Variants in ANXA7 observed in about 807,000 individuals in gnomAD.
ANXA7 encodes the protein annexin VII.
ANXA7 carries 55 observed loss-of-function variants against 64.9 expected under a neutral mutation model. The observed-to-expected ratio is 0.85, with a 90% CI of 0.68 to 1.06. ANXA7 has a LOEUF of 1.06. Among genes scored for constraint, ANXA7 ranks in the 50% least tolerant of loss-of-function variants. The pLI is 0.00. For synonymous variants in ANXA7, 200 were observed against 192.4 expected (o/e 1.04, Z -0.33); for missense variants, 548 against 582.1 (o/e 0.94, Z 0.60).
At position 73,390,699 on chromosome 10, in the gene ANXA7, TATATATATATATATATATATAAAA is replaced by T. The variant is rs1263872028; in HGVS notation, c.436-2309_436-2286del. Among the ~76,000 whole-genome samples, 98 of 132,560 alleles carry T rather than the reference TATATATATATATATATATATAAAA, an allele frequency of 7.4e-4. 1 individual carries two copies. Among genetic ancestry groups the T allele is most frequent in the African/African-American group, 3.0e-3 (93 of 30,800 alleles). 87.0% of individuals were successfully genotyped at this position (132,560 alleles called of 152,430 possible). The stretch of plus-strand genomic sequence containing the variant: ...CTGTGATTCTCTTTTGTAAAATATA[TATATATATATATATATATATAAAA>T]ATATATATATACACACACACACATA... On this transcript the variant is annotated intron_variant, in intron 5 of 12. Transcript: ENST00000372921.
chr10:73,380,572 C>A (rs1212147853), intron 9 of ANXA7, among the ~76,000 whole-genome samples: 3 of 152,008 alleles, frequency 2.0e-5, no homozygotes, highest in Non-Finnish European at 4.4e-5. Context: ...CTGGGCCTGG[C>A]CTAAAGAGAT....
chr10:73,380,863 T>C (rs1476402110), intron 9 of ANXA7, among the ~76,000 whole-genome samples: 1 of 152,200 alleles, frequency 6.6e-6, no homozygotes, highest in Non-Finnish European at 1.5e-5. Context: ...AGTTCTACTT[T>C]TTATTCATTC....
At position 73,391,597 on chromosome 10, in the gene ANXA7, G is replaced by A. The variant is rs115205479; in HGVS notation, c.436-3183C>T. 1.5e-3 allele frequency among the ~76,000 whole-genome samples: 226 copies of A among 152,264 alleles called. 1 individual carries two copies. The highest frequency in any genetic ancestry group is 5.3e-3 in the African/African-American group (219 of 41,546). ...ACTGTACTCCAGCCTGACCCGAGCAGCAGAGTGAGGCCCTGACTCAAAATT... is the reference window on the plus strand; with the variant it reads ...ACTGTACTCCAGCCTGACCCGAGCAACAGAGTGAGGCCCTGACTCAAAATT... On this transcript the variant is annotated intron_variant, in intron 5 of 12. Coordinates refer to ENST00000372921, the MANE Select transcript of ANXA7 (RefSeq NM_001156.5).
At chr10:73,412,402 A>C (rs1293644792) in intron 1 of ANXA7, among the ~76,000 whole-genome samples, 1 of 152,122 alleles carries the variant, frequency 6.6e-6, no homozygotes, top group Admixed American at 6.5e-5. Flanking sequence ...CAAGAGGCAG[A>C]TTTTAAACGT....
rs762559871 is a variant in ANXA7 at position 73,398,172 on chromosome 10, G to C, written c.259+9C>G. ...CCAATCATTACTAATTCCGCAACCCGTAACTCACCTCCGGGATAGGATGGA... is the reference window on the plus strand; with the variant it reads ...CCAATCATTACTAATTCCGCAACCCCTAACTCACCTCCGGGATAGGATGGA... On this transcript the variant is annotated intron_variant, in intron 3 of 12. Transcript: ENST00000372921. 1 of 1,605,680 alleles carries C rather than the reference G, an allele frequency of 6.2e-7. No individual in the cohort carries two copies. Among genetic ancestry groups the C allele is most frequent in the Admixed American group, 1.7e-5 (1 of 59,534 alleles).
At chr10:73,396,033 A>C (rs182423992) in intron 5 of ANXA7, 1 of 1,543,950 alleles carries the variant, frequency 6.5e-7, no homozygotes, top group African/African-American at 1.4e-5. Context: ...ACATTAGAAA[A>C]CCTTACTCAC....
chr10:73,403,649 G>A (rs1376932554), intron 1 of ANXA7, among the ~76,000 whole-genome samples: 2 of 152,100 alleles, frequency 1.3e-5, no homozygotes, highest in Non-Finnish European at 2.9e-5. Flanking sequence ...TGTATATTTT[G>A]CCAATACTAT....
chr10:73,390,721 A>T (rs11000636), intron 5 of ANXA7, among the ~76,000 whole-genome samples: 8,407 of 107,086 alleles, frequency 0.079, 407 homozygotes, highest in African/African-American at 0.19. Flanking sequence ...TATATATATA[A>T]AAATATATAT....
At chr10:73,379,520 G>T (rs2132651126) in intron 11 of ANXA7, among the ~76,000 whole-genome samples, 1 of 152,278 alleles carries the variant, frequency 6.6e-6, no homozygotes, top group Non-Finnish European at 1.5e-5. Context: ...CTGCTTCGTG[G>T]TGACACTGTG....
intron 4 of ANXA7, 130 bp downstream of exon 4, chr10:73,397,034 G>A (rs1335407885): frequency 1.0e-4 from 49 of 491,246 alleles, no homozygotes; most frequent in Middle Eastern, 5.3e-4. Context: ...AAACCATTAT[G>A]TTTAAAATTA....
rs764589602 is a variant in ANXA7 at position 73,388,357 on chromosome 10, C to G, written c.493G>C (p.Ala165Pro). 4 of 1,614,048 alleles carry G rather than the reference C, an allele frequency of 2.5e-6. No individual in the cohort carries two copies. In the South Asian group the frequency reaches 4.4e-5, roughly 18 times the overall value. Residue 165 changes from alanine to proline, a missense_variant, in exon 6 of 13, where the codon GCT becomes CCT. Ala to Pro is a conservative substitution (Grantham distance 27, BLOSUM62 -1). Coordinates refer to ENST00000372921, the MANE Select transcript of ANXA7 (RefSeq NM_001156.5). ...GTIRPAANFD[A>P]IRDAEILRKA... Reference sequence around the variant, plus strand: ...CGAAGAATTTCTGCATCTCTTATAGCATCGAAGTTGGCAGCTGGTCGGATA... The same window carrying G: ...CGAAGAATTTCTGCATCTCTTATAGGATCGAAGTTGGCAGCTGGTCGGATA...
intron 1 of ANXA7, among the ~76,000 whole-genome samples, chr10:73,407,776 T>A (rs1240905700): frequency 6.6e-6 from 1 of 152,170 alleles, no homozygotes; most frequent in African/African-American, 2.4e-5. Context: ...TAGTGTCCCT[T>A]ATGACAGGAA....
In ANXA7 at chr10:73,401,194, G is replaced by A. The variant is rs186720209; in HGVS notation, c.-1-337C>T. On this transcript the variant is annotated intron_variant, in intron 1 of 12. Transcript: ENST00000372921. ...GCTGGGATTACAGGTGTGAGCCACC[G>A]CGCCCAGCCTGTAATTTCTTATAAT... is the stretch of plus-strand genomic sequence containing the variant. Among the ~76,000 whole-genome samples, 60 of 151,280 alleles carry A rather than the reference G, an allele frequency of 4.0e-4. 1 individual carries two copies. In the East Asian group the frequency reaches 9.3e-3, roughly 23 times the overall value.
intron 1 of ANXA7, among the ~76,000 whole-genome samples, chr10:73,402,445 G>C (rs2055681748): frequency 6.6e-6 from 1 of 151,880 alleles, no homozygotes; most frequent in Non-Finnish European, 1.5e-5. Context: ...CAAGCGATCT[G>C]CCTGCTTCAG....
chr10:73,399,507 A>G (rs1251264094), intron 2 of ANXA7, among the ~76,000 whole-genome samples: 1 of 152,200 alleles, frequency 6.6e-6, no homozygotes, highest in Non-Finnish European at 1.5e-5. Flanking sequence ...GTTAGATAGC[A>G]GCCCCACAGT....
At chr10:73,401,273 C>A (rs1424468841) in intron 1 of ANXA7, among the ~76,000 whole-genome samples, 1 of 146,494 alleles carries the variant, frequency 6.8e-6, no homozygotes, top group Non-Finnish European at 1.5e-5. Context: ...AACACACACA[C>A]ACACACACAC....
intron 1 of ANXA7, among the ~76,000 whole-genome samples, chr10:73,408,856 C>T (rs985344994): frequency 2.6e-5 from 4 of 152,116 alleles, no homozygotes; most frequent in African/African-American, 7.2e-5. Flanking sequence ...CCCAGGGATG[C>T]TGGAATGATT....
At position 73,397,251 on chromosome 10, in the gene ANXA7, C is replaced by T; in HGVS notation, c.283G>A (p.Val95Ile). 6.2e-7 allele frequency: 1 copy of T among 1,612,318 alleles called. No individual in the cohort carries two copies. Among genetic ancestry groups the T allele is most frequent in the Non-Finnish European group, 8.5e-7 (1 of 1,178,956 alleles). ...PGVPPGQGFGVPPGGAGFSGY... is the reference protein window; with the variant it reads ...PGVPPGQGFGIPPGGAGFSGY... ...GAAAAGCCTGCTCCACCTGGTGGGA[C>T]TCCAAATCCTTGGCCTGGAGGAACT... The change falls in exon 4 of 13, where the codon GTC becomes ATC. Residue 95 changes from valine (V) to isoleucine (I), a missense_variant. Transcript: ENST00000372921.
intron 12 of ANXA7, among the ~76,000 whole-genome samples, chr10:73,377,770 G>GT: frequency 6.9e-6 from 1 of 143,934 alleles, no homozygotes; most frequent in Non-Finnish European, 1.5e-5. Flanking sequence ...GGGGGTGGGT[G>GT]TGGGTGTGTG....
Sources: gnomAD v4.1 joint callset for allele counts (sites outside exome capture counted in the v4.1 genomes callset) on GRCh38, gnomAD v4.1.1 for gene constraint, MANE v1.5 for transcripts, NCBI Gene and HGNC (gene_info 2026-07-23, HGNC 2026-07-21) for gene names.